AGBL4: variants seen among roughly 807,000 people sequenced by gnomAD.
AGBL4 encodes AGBL carboxypeptidase 4.
In AGBL4, 58 loss-of-function variants were observed where a neutral mutation model predicts 66.4. That is an observed-to-expected ratio of 0.87 (90% confidence interval 0.71 to 1.09). AGBL4 has a LOEUF of 1.09. AGBL4 is among the 50% of genes least tolerant of loss of function. The probability of loss-of-function intolerance (pLI) is 0.00; values close to 1 mark genes in which losing one functional copy is unlikely to be tolerated. For missense variants in AGBL4, 579 were observed against 631.0 expected (o/e 0.92, Z 0.88); for synonymous variants, 234 against 222.9 (o/e 1.05, Z -0.44).
At chr1:48,743,178 C>T (rs1194958513) in intron 6 of AGBL4, among the ~76,000 whole-genome samples, 5 of 152,074 alleles carry the variant, frequency 3.3e-5, no homozygotes, top group Admixed American at 2.0e-4. Context: ...TGGAGAAGGC[C>T]GTAACAGAAG....
intron 4 of AGBL4, among the ~76,000 whole-genome samples, chr1:49,142,832 C>G (rs1646145104): frequency 6.6e-6 from 1 of 151,902 alleles, no homozygotes; most frequent in South Asian, 2.1e-4. Context: ...ATTTTCTATT[C>G]CTTTCTTCAT....
intron 3 of AGBL4, among the ~76,000 whole-genome samples, chr1:49,480,417 T>G (rs1557979892): frequency 6.6e-6 from 1 of 152,138 alleles, no homozygotes; most frequent in African/African-American, 2.4e-5. Context: ...ATAGGTTTGT[T>G]GGCCACTTGC....
At chr1:49,993,233 C>T (rs1331717509) in intron 1 of AGBL4, among the ~76,000 whole-genome samples, 2 of 152,178 alleles carry the variant, frequency 1.3e-5, no homozygotes, top group Non-Finnish European at 2.9e-5. Context: ...AATGTGGTTA[C>T]TAGCAAATTT....
chr1:48,893,071 T>C (rs529388203), intron 5 of AGBL4, among the ~76,000 whole-genome samples: 1 of 152,246 alleles, frequency 6.6e-6, no homozygotes, highest in East Asian at 1.9e-4. Flanking sequence ...TGAATATCCA[T>C]GAGAACACCC....
intron 4 of AGBL4, among the ~76,000 whole-genome samples, chr1:49,166,781 A>C (rs1436891098): frequency 6.6e-6 from 1 of 152,144 alleles, no homozygotes; most frequent in Admixed American, 6.6e-5. Flanking sequence ...AATTACATAA[A>C]AGCAGGAGTC....
chr1:49,344,744 A>G (rs2148510235), intron 3 of AGBL4, among the ~76,000 whole-genome samples: 1 of 152,300 alleles, frequency 6.6e-6, no homozygotes, highest in South Asian at 2.1e-4. Flanking sequence ...TAAGAATTGG[A>G]TTTGACATTA....
At chr1:49,804,061 T>C (rs938754966) in intron 2 of AGBL4, among the ~76,000 whole-genome samples, 1 of 152,296 alleles carries the variant, frequency 6.6e-6, no homozygotes, top group Admixed American at 6.5e-5. Flanking sequence ...TGGTTGGAAT[T>C]TTTTTAAATT....
At chr1:49,805,607 A>G (rs988060142) in intron 2 of AGBL4, among the ~76,000 whole-genome samples, 2 of 152,222 alleles carry the variant, frequency 1.3e-5, no homozygotes, top group African/African-American at 4.8e-5. Context: ...CTGAAATTAA[A>G]TGGTGTTTGA....
chr1:49,022,130 C>T (rs1022438145), intron 5 of AGBL4, among the ~76,000 whole-genome samples: 3 of 152,124 alleles, frequency 2.0e-5, no homozygotes, highest in Non-Finnish European at 4.4e-5. Flanking sequence ...TCTTATTATC[C>T]ACTTTAATGT....
intron 5 of AGBL4, among the ~76,000 whole-genome samples, chr1:48,882,749 A>T (rs1159494664): frequency 2.0e-5 from 3 of 152,138 alleles, no homozygotes; most frequent in Non-Finnish European, 4.4e-5. Flanking sequence ...TTTGTACCCT[A>T]TGACCAACAT....
chr1:48,522,999 G>T, the AGBL4 span, among the ~76,000 whole-genome samples: 1 of 152,054 alleles, frequency 6.6e-6, no homozygotes, highest in Non-Finnish European at 1.5e-5. Context: ...ATGCATACTG[G>T]GGTCAGTGTG....
chr1:49,249,728 C>T (rs1312737644), intron 3 of AGBL4, among the ~76,000 whole-genome samples: 1 of 152,012 alleles, frequency 6.6e-6, no homozygotes, highest in African/African-American at 2.4e-5. Context: ...GGCATTTATC[C>T]AAAGGAAAGG....
chr1:49,434,393 A>G (rs1341532824), intron 3 of AGBL4, among the ~76,000 whole-genome samples: 1 of 152,174 alleles, frequency 6.6e-6, no homozygotes, highest in Non-Finnish European at 1.5e-5. Flanking sequence ...TATGAATTCT[A>G]CTTTTAGTAA....
intron 5 of AGBL4, among the ~76,000 whole-genome samples, chr1:48,888,958 G>A (rs936470955): frequency 6.6e-6 from 1 of 152,092 alleles, no homozygotes; most frequent in East Asian, 1.9e-4. Flanking sequence ...TCAGCCTCAG[G>A]GCAACACTCC....
intron 3 of AGBL4, among the ~76,000 whole-genome samples, chr1:49,495,408 T>C (rs1410180305): frequency 2.0e-5 from 3 of 152,064 alleles, no homozygotes; most frequent in Non-Finnish European, 4.4e-5. Context: ...GCATATTGTA[T>C]GTGTGGCCCA....
intron 3 of AGBL4, among the ~76,000 whole-genome samples, chr1:49,637,374 C>T (rs549496355): frequency 6.6e-5 from 10 of 152,018 alleles, no homozygotes; most frequent in South Asian, 4.2e-4. Flanking sequence ...GATCTCGGCT[C>T]GCTGCAACCT....
At chr1:49,799,778 T>C (rs1446823286) in intron 2 of AGBL4, among the ~76,000 whole-genome samples, 2 of 152,120 alleles carry the variant, frequency 1.3e-5, no homozygotes. Context: ...CTCAGGCGAG[T>C]AGTTGTGATC....
intron 4 of AGBL4, among the ~76,000 whole-genome samples, chr1:49,046,077 G>A (rs563944263): frequency 9.9e-5 from 15 of 152,210 alleles, no homozygotes; most frequent in Middle Eastern, 3.4e-3. Context: ...TCCTTATTTT[G>A]AGCACTTAAC....
At chr1:49,986,967 G>A (rs1384916896) in intron 1 of AGBL4, among the ~76,000 whole-genome samples, 3 of 151,914 alleles carry the variant, frequency 2.0e-5, no homozygotes, top group African/African-American at 7.3e-5. Context: ...TACCTGGAGT[G>A]CCTACCTAAC....
Sources: allele counts gnomAD v4.1 joint callset (sites outside exome capture counted in the v4.1 genomes callset), GRCh38; gene constraint gnomAD v4.1.1; transcripts MANE v1.5; gene names NCBI Gene and HGNC (gene_info 2026-07-23, HGNC 2026-07-21).